SH3KBP1: variants seen among roughly 807,000 people sequenced by gnomAD.
SH3KBP1 encodes the protein SH3 domain-containing kinase-binding protein 1.
Under a neutral mutation model 50.1 loss-of-function variants are expected in SH3KBP1, and 8 were observed. The ratio of observed to expected loss-of-function variants is 0.16; its 90% confidence interval spans 0.09 to 0.29. SH3KBP1 has a LOEUF of 0.29. Ranked by LOEUF, SH3KBP1 falls within the 10% of genes least tolerant of loss-of-function variation. The pLI, the probability that SH3KBP1 is intolerant of heterozygous loss-of-function variation, is 1.00. For synonymous variants in SH3KBP1, 227 were observed against 218.6 expected (o/e 1.04, Z -0.34); for missense variants, 377 against 535.2 (o/e 0.70, Z 2.92).
chrX:19,557,386 A>T (rs2065523157), intron 13 of SH3KBP1, among the ~76,000 whole-genome samples: 1 of 112,212 alleles, frequency 8.9e-6, no homozygotes, highest in Admixed American at 9.5e-5. Flanking sequence ...CAAGAATAAG[A>T]GAGGGAGATA....
At chrX:19,654,804 A>G (rs557461248) in intron 6 of SH3KBP1, among the ~76,000 whole-genome samples, 37 of 112,058 alleles carry the variant, frequency 3.3e-4, no homozygotes, top group Middle Eastern at 4.6e-3. Flanking sequence ...TATGGCTGGA[A>G]TGAGTATCAC....
chrX:19,578,518 C>T (rs2066272837), intron 12 of SH3KBP1, among the ~76,000 whole-genome samples: 2 of 111,699 alleles, frequency 1.8e-5, no homozygotes, highest in African/African-American at 3.3e-5. Context: ...AGGTCCTGTG[C>T]TCTGAGAGTG....
At chrX:19,604,511 C>T (rs2067184629) in intron 9 of SH3KBP1, among the ~76,000 whole-genome samples, 1 of 112,101 alleles carries the variant, frequency 8.9e-6, no homozygotes, top group Admixed American at 9.5e-5. Flanking sequence ...CTTCTGTCTA[C>T]CCTAATCATC....
chrX:19,859,490 C>A (rs758283570), intron 1 of SH3KBP1, among the ~76,000 whole-genome samples: 1 of 111,987 alleles, frequency 8.9e-6, no homozygotes, highest in South Asian at 3.7e-4. Flanking sequence ...GGTGTGTTTA[C>A]AAGGCTGCAA....
chrX:19,558,089 T>C (rs1014177744), intron 13 of SH3KBP1, among the ~76,000 whole-genome samples: 4 of 112,245 alleles, frequency 3.6e-5, no homozygotes, highest in African/African-American at 1.3e-4. Flanking sequence ...AAATTTGCTA[T>C]GCAAAGTGAT....
intron 3 of SH3KBP1, among the ~76,000 whole-genome samples, chrX:19,722,531 G>GGTGTGTGTGT (rs59121045): frequency 2.0e-5 from 2 of 101,036 alleles, no homozygotes; most frequent in African/African-American, 7.5e-5. Context: ...CAGCTGCACT[G>GGTGTGTGTGT]GTGTGTGTGT....
chrX:19,699,576 G>A (rs144526598), intron 4 of SH3KBP1, among the ~76,000 whole-genome samples: 2,526 of 112,342 alleles, frequency 0.022, 82 homozygotes, highest in African/African-American at 0.077. Flanking sequence ...CTTTGGCCCA[G>A]AGCTGGGAGC....
intron 3 of SH3KBP1, among the ~76,000 whole-genome samples, chrX:19,708,727 G>A (rs1196897078): frequency 1.8e-5 from 2 of 111,868 alleles, no homozygotes; most frequent in Non-Finnish European, 3.8e-5. Context: ...TGGCCCCATA[G>A]ATGCTTCTTA....
chrX:19,544,684 T>C (rs747223837), intron 15 of SH3KBP1, among the ~76,000 whole-genome samples: 1 of 112,115 alleles, frequency 8.9e-6, no homozygotes, highest in South Asian at 3.7e-4. Flanking sequence ...GCATTTCCTA[T>C]ATGACACGCT....
chrX:19,803,841 T>A (rs1350762260), intron 2 of SH3KBP1, among the ~76,000 whole-genome samples: 1 of 112,091 alleles, frequency 8.9e-6, no homozygotes, highest in Non-Finnish European at 1.9e-5. Flanking sequence ...CCCTGGCCCT[T>A]CTTTCTAACC....
rs372071903 is a variant in SH3KBP1, at chrX:19,818,847, C to A, written c.162+17278G>T. ...AATACTTTGCTGAGGACTTTTGTGTCTATGTTCTTGAGGGACACTGGCCTG... is the reference window on the plus strand; with the variant it reads ...AATACTTTGCTGAGGACTTTTGTGTATATGTTCTTGAGGGACACTGGCCTG... On this transcript the variant is annotated intron_variant, in intron 2 of 17. Transcript: ENST00000397821. Among the ~76,000 whole-genome samples, 46 of 111,375 alleles carry A rather than the reference C, an allele frequency of 4.1e-4. No homozygotes were observed. The South Asian group carries it at 0.012, about 30-fold the overall frequency.
intron 2 of SH3KBP1, among the ~76,000 whole-genome samples, chrX:19,782,303 T>C (rs2066205727): frequency 8.9e-6 from 1 of 111,913 alleles, no homozygotes; most frequent in African/African-American, 3.2e-5. Context: ...AAATGGCTTC[T>C]CCCCTAGAAC....
At chrX:19,808,029 T>A (rs893229189) in intron 2 of SH3KBP1, among the ~76,000 whole-genome samples, 2 of 111,710 alleles carry the variant, frequency 1.8e-5, no homozygotes, top group African/African-American at 6.5e-5. Context: ...GTGACCTTTT[T>A]TGTCCCCTCT....
chrX:19,741,891 T>C (rs2064779194), intron 3 of SH3KBP1, among the ~76,000 whole-genome samples: 1 of 111,176 alleles, frequency 9.0e-6, no homozygotes, highest in Non-Finnish European at 1.9e-5. Context: ...GAAGGAACAA[T>C]GTCCAAAATT....
intron 2 of SH3KBP1, among the ~76,000 whole-genome samples, chrX:19,776,532 G>GTGTTTTTT (rs2065980518): frequency 1.9e-4 from 5 of 25,681 alleles, no homozygotes; most frequent in African/African-American, 8.4e-4. Context: ...TGACAACCTG[G>GTGTTTTTT]TTTTTTTTTT....
At chrX:19,673,571 A>G (rs866786755) in intron 6 of SH3KBP1, among the ~76,000 whole-genome samples, 34 of 111,588 alleles carry the variant, frequency 3.0e-4, no homozygotes, top group African/African-American at 9.8e-4. Flanking sequence ...AAGAGCTACT[A>G]GAAGTTCCTG....
chrX:19,806,581 T>C (rs2067053492), intron 2 of SH3KBP1, among the ~76,000 whole-genome samples: 1 of 111,215 alleles, frequency 9.0e-6, no homozygotes, highest in African/African-American at 3.3e-5. Flanking sequence ...CAAAAAGTGA[T>C]TTCCAGAATG....
intron 2 of SH3KBP1, among the ~76,000 whole-genome samples, chrX:19,811,292 G>A (rs978478622): frequency 1.2e-4 from 13 of 111,973 alleles, no homozygotes; most frequent in Admixed American, 1.9e-4. Flanking sequence ...TCATATCTGT[G>A]CCCATGAGGG....
intron 3 of SH3KBP1, among the ~76,000 whole-genome samples, chrX:19,707,377 T>C (rs953481271): frequency 1.8e-5 from 2 of 112,177 alleles, no homozygotes; most frequent in Non-Finnish European, 3.8e-5. Flanking sequence ...CTGCTTCTAA[T>C]GCTAGCAAGG....
Sources: allele counts gnomAD v4.1 joint callset (sites outside exome capture counted in the v4.1 genomes callset), GRCh38; gene constraint gnomAD v4.1.1; transcripts MANE v1.5; gene names NCBI Gene and HGNC (gene_info 2026-07-23, HGNC 2026-07-21).